The following PDHX variants were observed in gnomAD, a reference collection of about 807,000 sequenced individuals.
PDHX encodes pyruvate dehydrogenase protein X component, mitochondrial.
In PDHX, 33 loss-of-function variants were observed where a neutral mutation model predicts 55.3. That is an observed-to-expected ratio of 0.60 (90% CI 0.45 to 0.80). The LOEUF (loss-of-function observed/expected upper bound fraction) is 0.80, where lower values mean the gene tolerates loss of function less well. Among genes scored for constraint, PDHX ranks in the 30% least tolerant of loss-of-function variants. PDHX has a pLI of 0.00. For synonymous variants in PDHX, 226 were observed against 219.4 expected (o/e 1.03, Z -0.27); for missense variants, 622 against 619.9 (o/e 1.00, Z -0.04).
Position 34,970,406 on chromosome 11 carries a change from G to A in PDHX, c.964+120G>A, listed in dbSNP as rs887360742. ...TAGCTTTTAATTTCAATTTCATAAT[G>A]TACTTGCACTCTACTCTGGGTATAT... On this transcript the variant is annotated intron_variant, in intron 7 of 10. Coordinates refer to ENST00000227868, the MANE Select transcript of PDHX (RefSeq NM_003477.3). 1.6e-5 allele frequency: 13 copies of A among 820,564 alleles called. 1 individual carries two copies. Among genetic ancestry groups the A allele is most frequent in the South Asian group, 4.6e-5 (3 of 64,584 alleles). 50.8% of individuals were successfully genotyped at this position (820,564 alleles called of 1,614,324 possible). A position where few individuals can be genotyped will look rare whatever the true frequency, so the allele number is the denominator to read the frequency against.
intron 2 of PDHX, among the ~76,000 whole-genome samples, chr11:34,940,381 A>T (rs938992300): frequency 6.6e-6 from 1 of 152,222 alleles, no homozygotes; most frequent in Non-Finnish European, 1.5e-5. Flanking sequence ...GCCTTATCCT[A>T]TATCACTAGA....
chr11:34,984,673 C>T lies in PDHX; in HGVS notation c.1127C>T (p.Pro376Leu), dbSNP rs775537821. 1 of 1,614,010 alleles carries T rather than the reference C, an allele frequency of 6.2e-7. No individual in the cohort carries two copies. The highest frequency in any genetic ancestry group is 8.5e-7 in the Non-Finnish European group (1 of 1,179,886). ...GCAACAGATAAAGGCTTACTTACTC[C>T]AATCATAAAAGATGCTGCTGCTAAA... ...AVATDKGLLT[P>L]IIKDAAAKGI... Residue 376 changes from proline to leucine, a missense_variant, in exon 9 of 11, where the codon CCA becomes CTA. By Grantham distance (98) the Pro-to-Leu change is moderately conservative. Coordinates refer to ENST00000227868, the MANE Select transcript of PDHX (RefSeq NM_003477.3).
intron 6 of PDHX, among the ~76,000 whole-genome samples, chr11:34,968,140 T>C (rs1329140332): frequency 6.6e-6 from 1 of 151,688 alleles, no homozygotes; most frequent in Admixed American, 6.6e-5. Context: ...GATGTGGTAG[T>C]GTGTGCCTGT....
intron 1 of PDHX, among the ~76,000 whole-genome samples, chr11:34,920,354 G>A (rs1482792721): frequency 1.3e-5 from 2 of 152,036 alleles, no homozygotes; most frequent in Non-Finnish European, 2.9e-5. Context: ...TCTTGGTGGC[G>A]ATTTGCCTAG....
intron 10 of PDHX, 115 bp from the exon 11 acceptor site, chr11:34,994,799 T>A: frequency 9.4e-7 from 1 of 1,066,280 alleles, no homozygotes; most frequent in Non-Finnish European, 1.4e-6. Flanking sequence ...ATTACTCATA[T>A]ATTTTTTTCT....
chr11:34,935,728 T>C (rs1433524961), intron 2 of PDHX, among the ~76,000 whole-genome samples: 1 of 152,180 alleles, frequency 6.6e-6, no homozygotes, highest in Non-Finnish European at 1.5e-5. Context: ...CCCACAGCCA[T>C]TATTATGCGT....
At chr11:34,934,727 C>T (rs972751297) in intron 2 of PDHX, among the ~76,000 whole-genome samples, 5 of 151,282 alleles carry the variant, frequency 3.3e-5, no homozygotes, top group Non-Finnish European at 7.4e-5. Flanking sequence ...CACAGGCATG[C>T]GCCACCATGC....
chr11:34,931,991 A>G (rs768279541), intron 2 of PDHX, among the ~76,000 whole-genome samples: 1 of 152,202 alleles, frequency 6.6e-6, no homozygotes, highest in African/African-American at 2.4e-5. Flanking sequence ...AGCATTTCTA[A>G]TTAAAACTCT....
intron 1 of PDHX, among the ~76,000 whole-genome samples, chr11:34,924,409 C>G (rs150113171): frequency 2.6e-5 from 4 of 152,038 alleles, no homozygotes; most frequent in Non-Finnish European, 5.9e-5. Context: ...TTAGTAAAGA[C>G]GGGCTTTCAC....
intron 10 of PDHX, among the ~76,000 whole-genome samples, chr11:34,993,272 T>C (rs1855792722): frequency 6.6e-6 from 1 of 152,124 alleles, no homozygotes; most frequent in African/African-American, 2.4e-5. Flanking sequence ...CTCTCGGTGA[T>C]TTTTTTAAAT....
Position 34,966,491 on chromosome 11 carries a change from A to G in PDHX, c.642-149A>G, listed in dbSNP as rs533895098. 8.0e-6 allele frequency: 6 copies of G among 748,744 alleles called. 1 individual carries two copies. In the South Asian group the frequency reaches 8.1e-5, roughly 10 times the overall value. 46.4% of individuals were successfully genotyped at this position (748,744 alleles called of 1,614,324 possible). ...CAGACCAGGTAAGAGACAGGATTTA[A>G]TTTTCTAGCTCAAATTACTGGTTTT... On this transcript the variant is annotated intron_variant, in intron 5 of 10. Coordinates refer to ENST00000227868, the MANE Select transcript of PDHX (RefSeq NM_003477.3).
upstream of PDHX, chr11:34,916,058 T>C (rs1378880862): frequency 1.1e-6 from 1 of 872,042 alleles, no homozygotes. Flanking sequence ...CCTCGCAGCC[T>C]TGCTTCCGAA....
chr11:34,960,551 A>G lies in PDHX; in HGVS notation c.641+33A>G, dbSNP rs190828200. On this transcript the variant is annotated intron_variant, in intron 5 of 10. Transcript: ENST00000227868. ...TTTGCTTTTTGTAATAACCAGTTCCATTATTTATTATGATCATGTTTTTTT... is the reference window on the plus strand; with the variant it reads ...TTTGCTTTTTGTAATAACCAGTTCCGTTATTTATTATGATCATGTTTTTTT... 3,908 of 1,196,746 alleles carry G rather than the reference A, an allele frequency of 3.3e-3. 17 individuals carry two copies. The highest frequency in any genetic ancestry group is 3.6e-3 in the Non-Finnish European group (2,858 of 804,538). 74.1% of individuals were successfully genotyped at this position (1,196,746 alleles called of 1,614,324 possible).
At chr11:34,969,777 T>G (rs916228813) in intron 6 of PDHX, among the ~76,000 whole-genome samples, 1 of 152,154 alleles carries the variant, frequency 6.6e-6, no homozygotes, top group Non-Finnish European at 1.5e-5. Flanking sequence ...TGTGTGTGTG[T>G]GGTATGTGTG....
At chr11:34,931,536 G>GTTTTTTT in intron 2 of PDHX, 52 bp downstream of exon 2, 1 of 877,276 alleles carries the variant, frequency 1.1e-6, no homozygotes, top group Non-Finnish European at 1.8e-6. Context: ...TGGTTATTTT[G>GTTTTTTT]TTTTGTTTTT....
intron 2 of PDHX, 24 bp from the exon 3 acceptor site, chr11:34,947,482 A>G (rs1854649093): frequency 6.5e-7 from 1 of 1,543,428 alleles, no homozygotes; most frequent in Non-Finnish European, 9.0e-7. Context: ...TAAAAAACAA[A>G]ACAAACCCAG....
At chr11:34,981,550 GTTCTA>G (rs1855514220) in intron 8 of PDHX, among the ~76,000 whole-genome samples, 1 of 152,162 alleles carries the variant, frequency 6.6e-6, no homozygotes, top group South Asian at 2.1e-4. Flanking sequence ...GGTATTTCTA[GTTCTA>G]GATCCCTGAG....
At chr11:34,919,354 A>G (rs1386250364) in intron 1 of PDHX, among the ~76,000 whole-genome samples, 1 of 152,220 alleles carries the variant, frequency 6.6e-6, no homozygotes, top group African/African-American at 2.4e-5. Context: ...AACTATTTGG[A>G]TTACTGTAAA....
At chr11:34,948,136 A>C (rs1436079511) in intron 3 of PDHX, among the ~76,000 whole-genome samples, 1 of 152,214 alleles carries the variant, frequency 6.6e-6, no homozygotes, top group Non-Finnish European at 1.5e-5. Flanking sequence ...GATGATAATA[A>C]TACCTACTTC....
Sources: gnomAD v4.1 joint callset for allele counts (sites outside exome capture counted in the v4.1 genomes callset) on GRCh38, gnomAD v4.1.1 for gene constraint, MANE v1.5 for transcripts, NCBI Gene and HGNC (gene_info 2026-07-23, HGNC 2026-07-21) for gene names.